MSRB3: variants seen among roughly 807,000 people sequenced by gnomAD.
The protein encoded by MSRB3 is methionine-R-sulfoxide reductase B3.
A neutral mutation model predicts 21.0 loss-of-function variants in MSRB3; 13 were observed. The observed-to-expected ratio is 0.62, with a 90% confidence interval of 0.40 to 0.98. MSRB3 has a LOEUF of 0.98. Ranked by LOEUF, MSRB3 falls within the 50% of genes least tolerant of loss-of-function variation. MSRB3 has a pLI of 0.00. For missense variants in MSRB3, 199 were observed against 230.3 expected (o/e 0.86, Z 0.88); for synonymous variants, 87 against 88.6 (o/e 0.98, Z 0.10).
At chr12:65,295,552 T>G (rs1438958924) in intron 1 of MSRB3, among the ~76,000 whole-genome samples, 1 of 152,042 alleles carries the variant, frequency 6.6e-6, no homozygotes, top group Non-Finnish European at 1.5e-5. Flanking sequence ...AGTTGATGTC[T>G]CCCTTTTTTT....
chr12:65,289,285 A>G (rs1208921979), intron 1 of MSRB3, among the ~76,000 whole-genome samples: 1 of 152,182 alleles, frequency 6.6e-6, no homozygotes, highest in Non-Finnish European at 1.5e-5. Context: ...ACCTGAGGTC[A>G]GGAGTTCGAG....
chr12:65,415,692 T>C (rs1880933657), intron 5 of MSRB3, among the ~76,000 whole-genome samples: 1 of 152,234 alleles, frequency 6.6e-6, no homozygotes, highest in Non-Finnish European at 1.5e-5. Context: ...TAAGGTTGTA[T>C]ACTCAATATG....
chr12:65,294,653 T>G (rs1053291314), intron 1 of MSRB3, among the ~76,000 whole-genome samples: 2 of 152,232 alleles, frequency 1.3e-5, no homozygotes, highest in African/African-American at 2.4e-5. Flanking sequence ...TAGGCCATTT[T>G]TTTGTATTGT....
chr12:65,333,939 G>A (rs186745116), intron 4 of MSRB3, among the ~76,000 whole-genome samples: 15 of 152,272 alleles, frequency 9.9e-5, no homozygotes, highest in East Asian at 3.9e-4. Flanking sequence ...AGGTAATAGC[G>A]TGATGAAAAT....
At chr12:65,345,827 T>C (rs1015671200) in intron 4 of MSRB3, among the ~76,000 whole-genome samples, 3 of 151,928 alleles carry the variant, frequency 2.0e-5, no homozygotes, top group Non-Finnish European at 4.4e-5. Context: ...TGAGAACATG[T>C]GGTGTTTGGT....
At chr12:65,281,567 T>C (rs1260128001) in intron 1 of MSRB3, 1 of 152,266 alleles carries the variant, frequency 6.6e-6, no homozygotes, top group African/African-American at 2.4e-5. Context: ...CATACATACC[T>C]GGACAGATTC....
At chr12:65,383,293 T>A (rs1416888062) in intron 5 of MSRB3, among the ~76,000 whole-genome samples, 1 of 152,236 alleles carries the variant, frequency 6.6e-6, no homozygotes, top group Non-Finnish European at 1.5e-5. Flanking sequence ...TAAAATAGTT[T>A]AGTGCCTAGC....
intron 4 of MSRB3, among the ~76,000 whole-genome samples, chr12:65,366,737 G>T (rs1337919784): frequency 1.3e-5 from 2 of 152,168 alleles, no homozygotes; most frequent in Non-Finnish European, 2.9e-5. Flanking sequence ...TTATTATTTG[G>T]AAATATGGGT....
chr12:65,327,584 G>C (rs1875133532), intron 3 of MSRB3, among the ~76,000 whole-genome samples: 2 of 152,192 alleles, frequency 1.3e-5, no homozygotes, highest in Admixed American at 6.5e-5. Context: ...ACTTGCCAAG[G>C]TCCGACGACT....
At chr12:65,376,067 TA>T (rs1878597644) in intron 5 of MSRB3, among the ~76,000 whole-genome samples, 1 of 152,000 alleles carries the variant, frequency 6.6e-6, no homozygotes, top group Non-Finnish European at 1.5e-5. Context: ...TATCATTATT[TA>T]TTTGGTTTTT....
chr12:65,283,913 C>T (rs1241196411), intron 1 of MSRB3: 1 of 152,072 alleles, frequency 6.6e-6, no homozygotes, highest in East Asian at 1.9e-4. Context: ...CATGCTTTTC[C>T]ATGAACACTA....
intron 5 of MSRB3, among the ~76,000 whole-genome samples, chr12:65,433,338 T>C (rs1463398955): frequency 1.3e-5 from 2 of 151,970 alleles, no homozygotes; most frequent in East Asian, 3.9e-4. Flanking sequence ...TTTGATTTCT[T>C]TTCTGTTTTC....
At chr12:65,437,362 T>C (rs988385304) in intron 5 of MSRB3, among the ~76,000 whole-genome samples, 1 of 151,904 alleles carries the variant, frequency 6.6e-6, no homozygotes, top group African/African-American at 2.4e-5. Flanking sequence ...TCACTGTTCG[T>C]GACAGGAATT....
chr12:65,393,630 C>CAAAAAAAAAAAAAAAAA (rs59417371), intron 5 of MSRB3, among the ~76,000 whole-genome samples: 1 of 90,664 alleles, frequency 1.1e-5, no homozygotes. Flanking sequence ...GACTCCGTCG[C>CAAAAAAAAAAAAAAAAA]AAAAAAAAAA....
chr12:65,431,760 T>C (rs1300137798), intron 5 of MSRB3, among the ~76,000 whole-genome samples: 1 of 152,116 alleles, frequency 6.6e-6, no homozygotes, highest in Non-Finnish European at 1.5e-5. Flanking sequence ...ACTCCGCTTA[T>C]GTGCAGAGCT....
At chr12:65,333,544 T>C (rs1161997707) in intron 4 of MSRB3, among the ~76,000 whole-genome samples, 1 of 152,178 alleles carries the variant, frequency 6.6e-6, no homozygotes, top group Admixed American at 6.5e-5. Flanking sequence ...TGGGTTATGT[T>C]GGGAGTAATG....
intron 5 of MSRB3, among the ~76,000 whole-genome samples, chr12:65,448,914 A>T (rs1031394287): frequency 6.6e-6 from 1 of 152,210 alleles, no homozygotes; most frequent in Admixed American, 6.5e-5. Flanking sequence ...TATTTGGTTG[A>T]TTGCCACTTA....
At chr12:65,396,689 C>A in intron 5 of MSRB3, among the ~76,000 whole-genome samples, 1 of 32,014 alleles carries the variant, frequency 3.1e-5, no homozygotes. Context: ...GAAACTCCAT[C>A]TCAAAAAAAA....
rs768787709 is a variant in MSRB3 at position 65,463,190 on chromosome 12, G to A, written c.426G>A (p.Gly142=). The A allele has an allele frequency of 1.9e-6, 3 of 1,614,120 alleles. No individual in the cohort carries two copies. In the East Asian group the frequency reaches 6.7e-5, roughly 36 times the overall value. The change falls in exon 7 of 7, where the codon GGG becomes GGA. Residue 142 remains glycine (G), a synonymous_variant. Transcript: ENST00000308259. ...GAHLGHIFDD[G]PRPTGKRYCI... is the part of the protein sequence containing the mutation. ...ACCTTGGGCACATTTTTGATGATGG[G>A]CCTCGTCCAACTGGGAAAAGATACT...
Sources: allele counts gnomAD v4.1 joint callset (sites outside exome capture counted in the v4.1 genomes callset), GRCh38; gene constraint gnomAD v4.1.1; transcripts MANE v1.5; gene names NCBI Gene and HGNC (gene_info 2026-07-23, HGNC 2026-07-21).